Variants in TOGARAM1 observed in about 807,000 individuals in gnomAD.
The protein encoded by TOGARAM1 is TOG array regulator of axonemal microtubules 1.
A neutral mutation model predicts 166.6 loss-of-function variants in TOGARAM1; 100 were observed. The observed-to-expected ratio is 0.60, with a 90% CI of 0.51 to 0.71. The LOEUF is 0.71. Ranked by LOEUF, TOGARAM1 falls within the 30% of genes least tolerant of loss-of-function variation. The pLI, the probability that TOGARAM1 is intolerant of heterozygous loss-of-function variation, is 0.00. For missense variants in TOGARAM1, 2,029 were observed against 2,102.7 expected (o/e 0.96, Z 0.69); for synonymous variants, 758 against 763.8 (o/e 0.99, Z 0.13).
At position 45,054,430 on chromosome 14, in the gene TOGARAM1, G is replaced by A; in HGVS notation, c.4441-1G>A. ...TATACTAATTTTATATTTACTTGCA[G>A]GGTTTGGGGGAGATACCATTAGATA... On this transcript the variant is annotated splice_acceptor_variant, in intron 15 of 19. Coordinates refer to ENST00000361462, the MANE Select transcript of TOGARAM1 (RefSeq NM_001308120.2). LOFTEE classifies it high-confidence loss of function. 1 of 1,571,490 alleles carries A rather than the reference G, an allele frequency of 6.4e-7. No homozygotes were observed. Among genetic ancestry groups the A allele is most frequent in the Non-Finnish European group, 8.7e-7 (1 of 1,153,868 alleles).
chr14:45,043,620 C>A, intron 11 of TOGARAM1, 66 bp from the exon 12 acceptor site: 2 of 891,480 alleles, frequency 2.2e-6, no homozygotes, highest in Non-Finnish European at 3.8e-6. Flanking sequence ...GAAAATAAGA[C>A]ATTTGTGATC....
intron 16 of TOGARAM1, among the ~76,000 whole-genome samples, chr14:45,061,274 T>C (rs1398951879): frequency 6.6e-6 from 1 of 152,266 alleles, no homozygotes; most frequent in Non-Finnish European, 1.5e-5. Flanking sequence ...GGTTGGCTGC[T>C]GTGCTTTTAC....
chr14:45,020,613 G>C (rs542452033), intron 7 of TOGARAM1, among the ~76,000 whole-genome samples: 1 of 151,494 alleles, frequency 6.6e-6, no homozygotes, highest in African/African-American at 2.4e-5. Flanking sequence ...ATGGTCATAG[G>C]GTGCACTAAG....
At chr14:45,045,972 A>G (rs1282221578) in intron 13 of TOGARAM1, among the ~76,000 whole-genome samples, 1 of 151,958 alleles carries the variant, frequency 6.6e-6, no homozygotes, top group Non-Finnish European at 1.5e-5. Context: ...TATTGTAATA[A>G]CGTTACCCTA....
At chr14:45,023,568 A>G (rs140932465) in intron 7 of TOGARAM1, among the ~76,000 whole-genome samples, 3,485 of 152,160 alleles carry the variant, frequency 0.023, 130 homozygotes, top group African/African-American at 0.08. Context: ...CACTACATCA[A>G]TTTCCTTACT....
chr14:44,996,186 G>T (rs1027556117), intron 2 of TOGARAM1: 16 of 191,450 alleles, frequency 8.4e-5, no homozygotes, highest in African/African-American at 3.7e-4. Context: ...CTGCCTAATA[G>T]AGCTTGCATT....
chr14:45,010,480 A>T (rs1445458345), intron 6 of TOGARAM1, among the ~76,000 whole-genome samples: 3 of 152,216 alleles, frequency 2.0e-5, no homozygotes, highest in Non-Finnish European at 4.4e-5. Context: ...GAAGATGAAA[A>T]TTTATGTTCT....
chr14:45,060,788 A>G (rs1282319831), intron 16 of TOGARAM1, among the ~76,000 whole-genome samples: 2 of 152,188 alleles, frequency 1.3e-5, no homozygotes, highest in East Asian at 1.9e-4. Context: ...CAAGAACACC[A>G]CAGAAGTGAT....
Position 45,044,761 on chromosome 14 carries a change from G to A in TOGARAM1, c.4045G>A (p.Gly1349Ser). ...AGTAAAAGTTTTGTTGCACAAGGCT[G>A]GTGAATCAAATACATTTATAAGAGA... ...TTVKVLLHKA[G>S]ESNTFIREDV... The change falls in exon 13 of 20, where the codon GGT becomes AGT. Residue 1349 changes from glycine (G) to serine (S), a missense_variant. By Grantham distance (56) the Gly-to-Ser change is moderately conservative. This residue lies in a region of TOGARAM1 where 576 missense variants were observed against 670.5 expected (regional missense o/e 0.86). Coordinates refer to ENST00000361462, the MANE Select transcript of TOGARAM1 (RefSeq NM_001308120.2). The A allele has an allele frequency of 6.2e-7, 1 of 1,613,902 alleles. No homozygotes were observed. The highest frequency in any genetic ancestry group is 2.2e-5 in the East Asian group (1 of 44,860).
intron 18 of TOGARAM1, among the ~76,000 whole-genome samples, chr14:45,071,135 TG>T (rs1883361102): frequency 6.6e-6 from 1 of 152,072 alleles, no homozygotes; most frequent in Admixed American, 6.5e-5. Flanking sequence ...CTGGCCAGGA[TG>T]GTCTCAAACT....
At chr14:45,063,515 C>T (rs1216358884) in intron 16 of TOGARAM1, among the ~76,000 whole-genome samples, 3 of 131,420 alleles carry the variant, frequency 2.3e-5, no homozygotes, top group South Asian at 2.3e-4. Context: ...GACAGAGTCT[C>T]GCACTGTCGC....
At chr14:45,071,903 C>A in intron 19 of TOGARAM1, 105 bp downstream of exon 19, 1 of 742,104 alleles carries the variant, frequency 1.3e-6, no homozygotes, top group Non-Finnish European at 2.1e-6. Flanking sequence ...TATAGCTACC[C>A]ACAAAGTAGA....
chr14:45,028,406 GT>G, intron 10 of TOGARAM1, 77 bp downstream of exon 10: 1 of 1,397,244 alleles, frequency 7.2e-7, no homozygotes, highest in Non-Finnish European at 9.8e-7. Flanking sequence ...TTCACTGAGG[GT>G]AATATATGAC....
chr14:44,997,976 A>G (rs1177208266), intron 2 of TOGARAM1, among the ~76,000 whole-genome samples: 1 of 152,238 alleles, frequency 6.6e-6, no homozygotes, highest in Non-Finnish European at 1.5e-5. Context: ...TGACTATGTT[A>G]TAGATTTAAA....
intron 1 of TOGARAM1, among the ~76,000 whole-genome samples, chr14:44,980,131 C>T (rs538016961): frequency 1.8e-4 from 27 of 152,300 alleles, no homozygotes; most frequent in African/African-American, 6.3e-4. Flanking sequence ...CATGTGTCCT[C>T]CATACTCAGT....
rs397707333 is a variant in TOGARAM1 at position 44,977,231 on chromosome 14, C to CTTTTTTTTTTTTTTTTTTTTTT, written c.2046+12785_2046+12786insTTTTTTTTTTTTTTTTTTTTTT. 1.6e-5 allele frequency among the ~76,000 whole-genome samples: 2 copies of CTTTTTTTTTTTTTTTTTTTTTT among 123,320 alleles called. 1 individual carries two copies. The highest frequency in any genetic ancestry group is 6.1e-5 in the African/African-American group (2 of 32,898). The allele number at this position is 123,320 out of a possible 152,430, so 80.9% of individuals were successfully genotyped here. ...CATAAATTGAAGAAAATTAGACAGA[C>CTTTTTTTTTTTTTTTTTTTTTT]TTTTTTTTTTTTTTTTTTTTTGAGA... On this transcript the variant is annotated intron_variant, in intron 1 of 19. Coordinates refer to ENST00000361462, the MANE Select transcript of TOGARAM1 (RefSeq NM_001308120.2).
Sources: allele counts gnomAD v4.1 joint callset (sites outside exome capture counted in the v4.1 genomes callset), GRCh38; gene constraint gnomAD v4.1.1; regional missense constraint gnomAD v4.1.1; transcripts MANE v1.5; gene names NCBI Gene and HGNC (gene_info 2026-07-23, HGNC 2026-07-21).